Variants in XYLT1 observed in about 807,000 individuals in gnomAD.
XYLT1 encodes xylosyltransferase 1, also known as beta-D-xylosyltransferase 1.
A neutral mutation model predicts 91.3 loss-of-function variants in XYLT1; 36 were observed. The observed-to-expected ratio is 0.39, with a 90% confidence interval of 0.30 to 0.52. The LOEUF is 0.52. Among genes scored for constraint, XYLT1 ranks in the 20% least tolerant of loss-of-function variants. The pLI, the probability that XYLT1 is intolerant of heterozygous loss-of-function variation, is 0.68. For missense variants in XYLT1, 1,242 were observed against 1,284.5 expected, an observed-to-expected ratio of 0.97 and a Z score of 0.51; for synonymous variants, 588 against 532.0, an observed-to-expected ratio of 1.11 and a Z score of -1.45.
At chr16:17,344,554 C>A (rs1296742372) in intron 2 of XYLT1, among the ~76,000 whole-genome samples, 2 of 151,732 alleles carry the variant, frequency 1.3e-5, no homozygotes, top group Non-Finnish European at 2.9e-5. Flanking sequence ...TCAAGTGACC[C>A]CAGGTTAGTC....
intron 1 of XYLT1, among the ~76,000 whole-genome samples, chr16:17,435,798 G>A (rs1486786467): frequency 2.6e-5 from 4 of 152,148 alleles, no homozygotes; most frequent in Admixed American, 6.5e-5. Context: ...TACATCACCC[G>A]TGAGCAGCTG....
chr16:17,452,778 G>C (rs2036683844), intron 1 of XYLT1, among the ~76,000 whole-genome samples: 1 of 152,012 alleles, frequency 6.6e-6, no homozygotes, highest in Admixed American at 6.6e-5. Context: ...ATTCTTTTTA[G>C]ACCAAGTTAA....
intron 1 of XYLT1, among the ~76,000 whole-genome samples, chr16:17,470,197 TGGAGAA>T: frequency 6.6e-6 from 1 of 151,952 alleles, no homozygotes; most frequent in African/African-American, 2.4e-5. Flanking sequence ...GCGCCCCCGC[TGGAGAA>T]AACTTCCCCC....
chr16:17,264,470 C>T (rs1366897393), intron 2 of XYLT1, among the ~76,000 whole-genome samples: 1 of 152,202 alleles, frequency 6.6e-6, no homozygotes, highest in Admixed American at 6.5e-5. Context: ...ATCCAGCCAT[C>T]CAAGGATGGA....
chr16:17,276,719 G>A (rs988115418), intron 2 of XYLT1, among the ~76,000 whole-genome samples: 1 of 152,122 alleles, frequency 6.6e-6, no homozygotes, highest in Non-Finnish European at 1.5e-5. Context: ...AGGACACGAT[G>A]GGCACCGTCC....
intron 6 of XYLT1, among the ~76,000 whole-genome samples, chr16:17,153,241 A>G (rs1020661595): frequency 6.6e-6 from 1 of 152,186 alleles, no homozygotes; most frequent in Non-Finnish European, 1.5e-5. Context: ...CCTCATTCCC[A>G]TCTTACAGAT....
At chr16:17,245,934 G>A (rs557628608) in intron 3 of XYLT1, among the ~76,000 whole-genome samples, 1 of 152,302 alleles carries the variant, frequency 6.6e-6, no homozygotes, top group South Asian at 2.1e-4. Context: ...GATGGGATTG[G>A]CGCCCCCGCC....
intron 2 of XYLT1, among the ~76,000 whole-genome samples, chr16:17,280,404 G>A (rs1001324850): frequency 6.6e-6 from 1 of 152,180 alleles, no homozygotes; most frequent in South Asian, 2.1e-4. Flanking sequence ...GAGGTGGTCA[G>A]ATTTTGTCTT....
intron 1 of XYLT1, among the ~76,000 whole-genome samples, chr16:17,387,776 T>C (rs922368493): frequency 6.6e-6 from 1 of 152,002 alleles, no homozygotes; most frequent in African/African-American, 2.4e-5. Context: ...TCCAAGAACC[T>C]TTCCTAACCA....
At chr16:17,373,183 C>T (rs911980568) in intron 1 of XYLT1, among the ~76,000 whole-genome samples, 47 of 152,154 alleles carry the variant, frequency 3.1e-4, no homozygotes, top group African/African-American at 1.1e-3. Flanking sequence ...AAGCAGAATG[C>T]TCTCTGAAGG....
At chr16:17,332,120 G>GT (rs1169848585) in intron 2 of XYLT1, among the ~76,000 whole-genome samples, 2 of 152,218 alleles carry the variant, frequency 1.3e-5, no homozygotes, top group Admixed American at 1.3e-4. Context: ...ATACAACCGT[G>GT]TGGCCCTGCA....
intron 2 of XYLT1, among the ~76,000 whole-genome samples, chr16:17,319,946 C>T (rs2034691983): frequency 6.6e-6 from 1 of 152,142 alleles, no homozygotes; most frequent in African/African-American, 2.4e-5. Flanking sequence ...AGTCTTCAAC[C>T]ATGCTAAGCG....
intron 1 of XYLT1, among the ~76,000 whole-genome samples, chr16:17,393,825 G>C (rs2035851391): frequency 2.0e-5 from 3 of 151,952 alleles, no homozygotes; most frequent in African/African-American, 7.3e-5. Flanking sequence ...GCCCAGGCTA[G>C]AGTGCAGTGG....
chr16:17,323,336 A>G (rs2034752155), intron 2 of XYLT1, among the ~76,000 whole-genome samples: 1 of 152,232 alleles, frequency 6.6e-6, no homozygotes, highest in African/African-American at 2.4e-5. Flanking sequence ...AGCTAATTAA[A>G]GAACAATGCG....
chr16:17,169,000 T>C (rs2031762801), intron 5 of XYLT1, among the ~76,000 whole-genome samples: 1 of 152,236 alleles, frequency 6.6e-6, no homozygotes, highest in South Asian at 2.1e-4. Flanking sequence ...TGTTCTTTCA[T>C]AACTCTAAGA....
chr16:17,230,346 T>C (rs189370048), intron 3 of XYLT1, among the ~76,000 whole-genome samples: 3 of 152,290 alleles, frequency 2.0e-5, no homozygotes, highest in Admixed American at 6.5e-5. Flanking sequence ...GCTTGACTGA[T>C]TCACTTTCTC....
intron 9 of XYLT1, among the ~76,000 whole-genome samples, chr16:17,134,034 G>A (rs1055203491): frequency 3.3e-5 from 5 of 152,192 alleles, no homozygotes; most frequent in African/African-American, 1.2e-4. Context: ...GGGTGAAGAT[G>A]AAAATGAAAC....
intron 3 of XYLT1, among the ~76,000 whole-genome samples, chr16:17,258,583 T>C (rs562591449): frequency 6.6e-6 from 1 of 152,280 alleles, no homozygotes; most frequent in African/African-American, 2.4e-5. Flanking sequence ...CTGAAGTTAA[T>C]GCAACCAATT....
chr16:17,462,503 C>T (rs904639330), intron 1 of XYLT1, among the ~76,000 whole-genome samples: 9 of 152,146 alleles, frequency 5.9e-5, no homozygotes, highest in Non-Finnish European at 8.8e-5. Context: ...TGAGCATCTG[C>T]GGGCAAACGG....
Sources: gnomAD v4.1 joint callset for allele counts (sites outside exome capture counted in the v4.1 genomes callset) on GRCh38, gnomAD v4.1.1 for gene constraint, MANE v1.5 for transcripts, NCBI Gene and HGNC (gene_info 2026-07-23, HGNC 2026-07-21) for gene names.